SYT9: variants seen among roughly 807,000 people sequenced by gnomAD.
SYT9 encodes the protein synaptotagmin 9, also known as synaptotagmin-9.
SYT9 carries 22 observed loss-of-function variants against 48.4 expected under a neutral mutation model. The ratio of observed to expected loss-of-function variants is 0.45; its 90% CI spans 0.32 to 0.65. The LOEUF (loss-of-function observed/expected upper bound fraction) is 0.65, where lower values mean the gene tolerates loss of function less well. Ranked by LOEUF, SYT9 falls within the 30% of genes least tolerant of loss-of-function variation. The probability of loss-of-function intolerance (pLI) is 0.03; values close to 1 mark genes in which losing one functional copy is unlikely to be tolerated. For missense variants in SYT9, 577 were observed against 622.0 expected, an observed-to-expected ratio of 0.93 and a Z score of 0.77; for synonymous variants, 265 against 245.0, an observed-to-expected ratio of 1.08 and a Z score of -0.76.
intron 3 of SYT9, among the ~76,000 whole-genome samples, chr11:7,399,013 C>T (rs186719606): frequency 5.3e-5 from 8 of 152,204 alleles, no homozygotes; most frequent in Non-Finnish European, 8.8e-5. Flanking sequence ...ATGTTTTACT[C>T]ATTGTGGTTT....
chr11:7,413,186 T>G (rs1847172445), intron 3 of SYT9, among the ~76,000 whole-genome samples: 1 of 152,126 alleles, frequency 6.6e-6, no homozygotes, highest in Non-Finnish European at 1.5e-5. Context: ...CAGCATGTGA[T>G]TTGCTCATGC....
intron 1 of SYT9, among the ~76,000 whole-genome samples, chr11:7,286,805 A>G (rs193248270): frequency 6.6e-6 from 1 of 152,254 alleles, no homozygotes; most frequent in East Asian, 1.9e-4. Flanking sequence ...CCAGTTTCCA[A>G]CAAGTTCCCC....
chr11:7,392,713 A>G (rs1347798134), intron 3 of SYT9, among the ~76,000 whole-genome samples: 1 of 152,174 alleles, frequency 6.6e-6, no homozygotes, highest in Admixed American at 6.5e-5. Flanking sequence ...CATTTTAACA[A>G]TAGTGATTCC....
In SYT9 at chr11:7,417,279, C is replaced by T. The variant is rs114947822; in HGVS notation, c.1166-678C>T. Among the ~76,000 whole-genome samples the T allele has an allele frequency of 2.7e-3, 407 of 152,136 alleles. 5 individuals carry two copies. The highest frequency in any genetic ancestry group is 9.3e-3 in the African/African-American group (387 of 41,496). On this transcript the variant is annotated intron_variant, in intron 4 of 6. Transcript: ENST00000318881. ...CATGGTTATGCAGGTGAAAATAGAA[C>T]AAGGACTTCCCAATAAACAGAAGAA...
rs754277539 is a variant in SYT9 at position 7,420,473 on chromosome 11, T to A, written c.1338-33T>A. 3 of 1,610,242 alleles carry A rather than the reference T, an allele frequency of 1.9e-6. No homozygotes were observed. The East Asian group carries it at 6.7e-5, about 36-fold the overall frequency. ...GCTATTGATCTTACATACCAAAATTTTAAGAAAAAACTATTGTGGGCCATT... is the reference window on the plus strand; with the variant it reads ...GCTATTGATCTTACATACCAAAATTATAAGAAAAAACTATTGTGGGCCATT... On this transcript the variant is annotated intron_variant, in intron 5 of 6. Coordinates refer to ENST00000318881, the MANE Select transcript of SYT9 (RefSeq NM_175733.4).
chr11:7,272,540 C>T (rs1274833258), intron 1 of SYT9, among the ~76,000 whole-genome samples: 4 of 152,096 alleles, frequency 2.6e-5, no homozygotes, highest in South Asian at 4.2e-4. Flanking sequence ...GCTATTCACT[C>T]ATCACGTTTA....
At chr11:7,390,563 T>C (rs542939342) in intron 3 of SYT9, among the ~76,000 whole-genome samples, 64 of 152,244 alleles carry the variant, frequency 4.2e-4, no homozygotes, top group African/African-American at 1.4e-3. Context: ...AGAAACCATA[T>C]GTAAAATAAA....
At chr11:7,257,993 G>T (rs1349587154) in intron 1 of SYT9, among the ~76,000 whole-genome samples, 2 of 152,180 alleles carry the variant, frequency 1.3e-5, no homozygotes, top group Non-Finnish European at 2.9e-5. Flanking sequence ...ACTTTTTGAT[G>T]TGGGATAAAC....
chr11:7,398,019 G>A (rs1846790020), intron 3 of SYT9, among the ~76,000 whole-genome samples: 2 of 152,160 alleles, frequency 1.3e-5, no homozygotes, highest in Admixed American at 6.5e-5. Flanking sequence ...GAACAGAAGA[G>A]ATGAGAGCAG....
chr11:7,311,068 T>C (rs1046714820), intron 2 of SYT9, among the ~76,000 whole-genome samples: 2 of 152,140 alleles, frequency 1.3e-5, no homozygotes, highest in Non-Finnish European at 2.9e-5. Context: ...TTTGGGAGGC[T>C]AAGTTGGGTG....
chr11:7,257,281 T>C (rs150573228), intron 1 of SYT9, among the ~76,000 whole-genome samples: 77 of 152,304 alleles, frequency 5.1e-4, no homozygotes, highest in African/African-American at 1.8e-3. Flanking sequence ...CCATATCAAC[T>C]GATTCTTAAC....
chr11:7,314,754 C>T (rs1347205722), intron 3 of SYT9, among the ~76,000 whole-genome samples: 1 of 152,212 alleles, frequency 6.6e-6, no homozygotes, highest in Non-Finnish European at 1.5e-5. Flanking sequence ...GTTTCTTTCA[C>T]CTGTCCAAAT....
At chr11:7,306,705 G>A (rs1849038212) in intron 2 of SYT9, among the ~76,000 whole-genome samples, 1 of 152,026 alleles carries the variant, frequency 6.6e-6, no homozygotes, top group South Asian at 2.1e-4. Flanking sequence ...TTCTCAGAAA[G>A]TTCTCCCCGG....
chr11:7,252,477 G>T lies in SYT9; in HGVS notation c.145+146G>T. On this transcript the variant is annotated intron_variant, in intron 1 of 6. Transcript: ENST00000318881. This position sits in a 1 kb window ranked among gnomAD's most constrained non-coding sequence, Gnocchi z 6.3. ...GCCAGGAGAGTGATCAAGAACCAGC[G>T]CACTGTGGCCTGATGCTGTAACCAG... The T allele has an allele frequency of 4.3e-6, 4 of 920,846 alleles. No individual in the cohort carries two copies. The highest frequency in any genetic ancestry group is 2.9e-6 in the Non-Finnish European group (2 of 683,514). The allele number at this position is 920,846 out of a possible 1,614,324, so 57.0% of individuals were successfully genotyped here.
At position 7,413,829 on chromosome 11, in the gene SYT9, C is replaced by T. The variant is rs536797064; in HGVS notation, c.1045-2213C>T. Among the ~76,000 whole-genome samples the T allele has an allele frequency of 2.2e-4, 34 of 151,594 alleles. 1 individual carries two copies. The highest frequency in any genetic ancestry group is 8.0e-4 in the African/African-American group (33 of 41,254). On this transcript the variant is annotated intron_variant, in intron 3 of 6. Coordinates refer to ENST00000318881, the MANE Select transcript of SYT9 (RefSeq NM_175733.4). Reference sequence around the variant, plus strand: ...CCTAAGCTGTACTTGTACTCCTGGGCCCAAGTGATCCTCCTGCCTTAGCCT... The same window carrying T: ...CCTAAGCTGTACTTGTACTCCTGGGTCCAAGTGATCCTCCTGCCTTAGCCT...
intron 3 of SYT9, among the ~76,000 whole-genome samples, chr11:7,383,746 A>G (rs1790952916): frequency 1.3e-5 from 2 of 152,212 alleles, no homozygotes; most frequent in African/African-American, 4.8e-5. Context: ...CGAACAGAAA[A>G]TTGAGAAACT....
At chr11:7,357,382 A>G (rs910348180) in intron 3 of SYT9, among the ~76,000 whole-genome samples, 2 of 152,180 alleles carry the variant, frequency 1.3e-5, no homozygotes, top group Non-Finnish European at 2.9e-5. Flanking sequence ...GGAAAAATAT[A>G]ATACAAATAA....
At chr11:7,361,151 T>C (rs903956707) in intron 3 of SYT9, among the ~76,000 whole-genome samples, 1 of 152,128 alleles carries the variant, frequency 6.6e-6, no homozygotes, top group South Asian at 2.1e-4. Context: ...CTTTATTTTT[T>C]CTATTTCCTC....
intron 6 of SYT9, among the ~76,000 whole-genome samples, chr11:7,432,622 T>A (rs1172793117): frequency 1.6e-4 from 6 of 36,598 alleles, no homozygotes; most frequent in Middle Eastern, 0.024. Context: ...TATATATATA[T>A]ATATATATAT....
Sources: allele counts gnomAD v4.1 joint callset (sites outside exome capture counted in the v4.1 genomes callset), GRCh38; gene constraint gnomAD v4.1.1; non-coding constraint Gnocchi (gnomAD v3.1); transcripts MANE v1.5; gene names NCBI Gene and HGNC (gene_info 2026-07-23, HGNC 2026-07-21).